ENTREP2: variants seen among roughly 807,000 people sequenced by gnomAD.
ENTREP2 encodes the protein endosomal transmembrane epsin interactor 2, also known as protein ENTREP2.
At chr15:29,435,669 C>T in the ENTREP2 span, among the ~76,000 whole-genome samples, 1 of 151,394 alleles carries the variant, frequency 6.6e-6, no homozygotes, top group Admixed American at 6.6e-5. Flanking sequence ...TATATATATA[C>T]ACATATATAT....
the ENTREP2 span, among the ~76,000 whole-genome samples, chr15:29,657,660 G>A: frequency 6.6e-6 from 1 of 151,740 alleles, no homozygotes; most frequent in Admixed American, 6.6e-5. Flanking sequence ...TGATTGGTGC[G>A]TTTTACAGAG....
At chr15:29,120,061 G>C in the ENTREP2 span, among the ~76,000 whole-genome samples, 2 of 152,238 alleles carry the variant, frequency 1.3e-5, no homozygotes, top group African/African-American at 4.8e-5. Context: ...GTGTGTCCAG[G>C]CCCTGGCCCT....
the ENTREP2 span, among the ~76,000 whole-genome samples, chr15:29,572,570 G>T: frequency 6.6e-6 from 1 of 150,710 alleles, no homozygotes; most frequent in African/African-American, 2.4e-5. Flanking sequence ...CGTTCTTAGG[G>T]TACATCAGTG....
At chr15:29,471,616 C>T in the ENTREP2 span, among the ~76,000 whole-genome samples, 1 of 152,204 alleles carries the variant, frequency 6.6e-6, no homozygotes, top group African/African-American at 2.4e-5. Flanking sequence ...CCCATCATAA[C>T]CCACACGGCA....
At chr15:29,648,064 C>A in the ENTREP2 span, among the ~76,000 whole-genome samples, 1 of 151,454 alleles carries the variant, frequency 6.6e-6, no homozygotes, top group Non-Finnish European at 1.5e-5. Context: ...TAAATCACAA[C>A]AGGCCCCAAT....
At chr15:29,276,827 T>C in the ENTREP2 span, among the ~76,000 whole-genome samples, 1 of 152,134 alleles carries the variant, frequency 6.6e-6, no homozygotes, top group Non-Finnish European at 1.5e-5. Flanking sequence ...AATCCTATTA[T>C]TCAGGGGAAA....
chr15:29,178,307 A>AAAAG, the ENTREP2 span, among the ~76,000 whole-genome samples: 4 of 151,578 alleles, frequency 2.6e-5, no homozygotes, highest in Admixed American at 6.6e-5. Flanking sequence ...AAAAAAAAAA[A>AAAAG]AAAGAAAGAA....
chr15:29,344,618 T>A, the ENTREP2 span, among the ~76,000 whole-genome samples: 2 of 152,060 alleles, frequency 1.3e-5, no homozygotes, highest in African/African-American at 4.8e-5. Flanking sequence ...GTAAGTTGCC[T>A]TAGTTGACCC....
the ENTREP2 span, among the ~76,000 whole-genome samples, chr15:29,445,038 G>T: frequency 6.6e-6 from 1 of 152,118 alleles, no homozygotes; most frequent in Admixed American, 6.5e-5. Context: ...GATGTGTTGG[G>T]GTGGCAATGT....
chr15:29,638,556 G>T, the ENTREP2 span, among the ~76,000 whole-genome samples: 8 of 152,194 alleles, frequency 5.3e-5, no homozygotes, highest in Admixed American at 3.3e-4. Flanking sequence ...GTTTTAGTGA[G>T]AATAGAAAGG....
the ENTREP2 span, among the ~76,000 whole-genome samples, chr15:29,440,533 C>T: frequency 1.3e-5 from 2 of 152,206 alleles, no homozygotes; most frequent in Non-Finnish European, 2.9e-5. Flanking sequence ...TCCCAGGTTT[C>T]CACATCTTAC....
At chr15:29,400,608 CAA>C in the ENTREP2 span, among the ~76,000 whole-genome samples, 1 of 152,184 alleles carries the variant, frequency 6.6e-6, no homozygotes, top group South Asian at 2.1e-4. Flanking sequence ...CCAGAGAAAT[CAA>C]AGAGTAAAAT....
the ENTREP2 span, among the ~76,000 whole-genome samples, chr15:29,534,449 T>C: frequency 6.6e-6 from 1 of 152,224 alleles, no homozygotes; most frequent in Non-Finnish European, 1.5e-5. Context: ...TTTAACAGGT[T>C]TTATTTCACC....
the ENTREP2 span, chr15:29,569,359 T>G: frequency 2.0e-5 from 3 of 152,170 alleles, no homozygotes; most frequent in Non-Finnish European, 2.9e-5. Context: ...AGCCATGCAA[T>G]GAACTTAAAA....
the ENTREP2 span, among the ~76,000 whole-genome samples, chr15:29,207,216 C>T: frequency 6.6e-6 from 1 of 152,116 alleles, no homozygotes; most frequent in Admixed American, 6.5e-5. Context: ...GGTGTTTCCC[C>T]TGTGCTACAC....
the ENTREP2 span, chr15:29,269,297 C>G: frequency 1.9e-6 from 3 of 1,614,174 alleles, no homozygotes; most frequent in Non-Finnish European, 2.5e-6. Flanking sequence ...TACCCGAAGA[C>G]GTACTGGAGG....
the ENTREP2 span, among the ~76,000 whole-genome samples, chr15:29,496,568 T>C: frequency 6.6e-6 from 1 of 152,070 alleles, no homozygotes; most frequent in Non-Finnish European, 1.5e-5. Flanking sequence ...ATATGACCTT[T>C]ATTGTGTTGA....
chr15:29,423,192 C>G, the ENTREP2 span, among the ~76,000 whole-genome samples: 1 of 152,098 alleles, frequency 6.6e-6, no homozygotes, highest in East Asian at 1.9e-4. Context: ...ACCTTGGAAT[C>G]TTTTTAACTC....
the ENTREP2 span, among the ~76,000 whole-genome samples, chr15:29,620,005 A>G: frequency 6.6e-6 from 1 of 152,120 alleles, no homozygotes; most frequent in East Asian, 1.9e-4. Context: ...GTGTCTGTGA[A>G]GCCTCAGAAG....
Sources: gnomAD v4.1 joint callset for allele counts (sites outside exome capture counted in the v4.1 genomes callset) on GRCh38, gnomAD v4.1.1 for gene constraint, MANE v1.5 for transcripts, NCBI Gene and HGNC (gene_info 2026-07-23, HGNC 2026-07-21) for gene names.